The following ANKRD30BL variants were observed in gnomAD, a reference collection of about 807,000 sequenced individuals.
ANKRD30BL encodes the protein putative ankyrin repeat domain-containing protein 30B-like.
Under a neutral mutation model 18.4 loss-of-function variants are expected in ANKRD30BL, and 20 were observed. The observed-to-expected ratio is 1.09, with a 90% CI of 0.77 to 1.58. The LOEUF (loss-of-function observed/expected upper bound fraction) is 1.58. ANKRD30BL is among the 40% of genes most tolerant of loss of function. The pLI, the probability that ANKRD30BL is intolerant of heterozygous loss-of-function variation, is 0.00. For synonymous variants in ANKRD30BL, 72 were observed against 100.9 expected (o/e 0.71, Z 1.72); for missense variants, 224 against 268.6 (o/e 0.83, Z 1.16).
chr2:132,226,061 G>T (rs1183337758), intron 1 of ANKRD30BL, among the ~76,000 whole-genome samples: 1 of 152,044 alleles, frequency 6.6e-6, no homozygotes, highest in Non-Finnish European at 1.5e-5. Flanking sequence ...TGTGATGTCT[G>T]CATTCAACTC....
intron 1 of ANKRD30BL, among the ~76,000 whole-genome samples, chr2:132,229,704 G>T (rs957224680): frequency 1.3e-5 from 2 of 151,824 alleles, no homozygotes; most frequent in African/African-American, 4.8e-5. Flanking sequence ...CCTTTCTTTT[G>T]ATAGAGCGGG....
rs538157334 is a variant in ANKRD30BL at position 132,253,838 on chromosome 2, C to G, written n.441+3691G>C. Among the ~76,000 whole-genome samples, 328 of 152,172 alleles carry G rather than the reference C, an allele frequency of 2.2e-3. 1 individual carries two copies. The highest frequency in any genetic ancestry group is 7.4e-3 in the African/African-American group (308 of 41,542). ...GGACCGGCATCCGGCCCCCTACCCT[C>G]GAGACCCCCTAGCGGGAAGGCTGGG... is the stretch of plus-strand genomic sequence containing the variant. On this transcript the variant is annotated intron_variant and non_coding_transcript_variant, in intron 1 of 4. Transcript: ENST00000470729.
intron 1 of ANKRD30BL, among the ~76,000 whole-genome samples, chr2:132,198,268 T>TTTCTTTCTTTC (rs1428022123): frequency 5.5e-5 from 6 of 109,798 alleles, no homozygotes; most frequent in African/African-American, 3.0e-4. Context: ...TCTTTCTTTC[T>TTTCTTTCTTTC]TTTCTTTCTT....
intron 1 of ANKRD30BL, among the ~76,000 whole-genome samples, chr2:132,222,057 G>A (rs1275580178): frequency 2.3e-5 from 3 of 133,002 alleles, no homozygotes; most frequent in Non-Finnish European, 4.8e-5. Flanking sequence ...GGGGGGGGTC[G>A]GCCAGCCGCC....
intron 1 of ANKRD30BL, among the ~76,000 whole-genome samples, chr2:132,200,946 G>T (rs1042311578): frequency 1.3e-5 from 2 of 152,110 alleles, no homozygotes; most frequent in Non-Finnish European, 2.9e-5. Context: ...CCAAAACAGA[G>T]ATATAGATCA....
chr2:132,202,687 G>A (rs1435616129), intron 1 of ANKRD30BL, among the ~76,000 whole-genome samples: 2 of 152,036 alleles, frequency 1.3e-5, no homozygotes, highest in Admixed American at 6.6e-5. Flanking sequence ...ATGTATGTAT[G>A]TACACATGTA....
At chr2:132,158,744 T>C (rs1687977385) in intron 1 of ANKRD30BL, among the ~76,000 whole-genome samples, 1 of 150,370 alleles carries the variant, frequency 6.7e-6, no homozygotes, top group Non-Finnish European at 1.5e-5. Context: ...ATTTTCTTAA[T>C]AATAAAACTA....
rs1246136816 is a variant in ANKRD30BL at position 132,161,673 on chromosome 2, G to A, written c.33C>T (p.Gly11=). 2 of 1,450,090 alleles carry A rather than the reference G, an allele frequency of 1.4e-6. No individual in the cohort carries two copies. The highest frequency in any genetic ancestry group is 2.4e-5 in the South Asian group (2 of 81,928). 89.8% of individuals were successfully genotyped at this position (1,450,090 alleles called of 1,614,324 possible). Residue 11 remains glycine (G), a synonymous_variant, in exon 1 of 6, where the codon GGC becomes GGT. Coordinates refer to ENST00000409867, the MANE Select transcript of ANKRD30BL (RefSeq NM_001358416.1). ...GGCTCGGGCGCTCTGGGCCCGTCTGGCCCTTGACAGGGGCGGCAGAGAGCC... is the reference window on the plus strand; with the variant it reads ...GGCTCGGGCGCTCTGGGCCCGTCTGACCCTTGACAGGGGCGGCAGAGAGCC... MERLSAAPVK[G]QTGPERPSPF...
intron 1 of ANKRD30BL, among the ~76,000 whole-genome samples, chr2:132,230,316 G>T (rs369145130): frequency 6.7e-6 from 1 of 148,164 alleles, no homozygotes; most frequent in Non-Finnish European, 1.5e-5. Context: ...CACATAAAAA[G>T]TAGATAGAAG....
intron 1 of ANKRD30BL, among the ~76,000 whole-genome samples, chr2:132,183,049 G>A (rs932862040): frequency 2.6e-5 from 4 of 151,726 alleles, no homozygotes; most frequent in African/African-American, 9.7e-5. Flanking sequence ...AAGGTAGAAG[G>A]TTCTATTGTT....
chr2:132,153,566 C>G (rs573181197), intron 4 of ANKRD30BL: 33 of 582,294 alleles, frequency 5.7e-5, no homozygotes, highest in African/African-American at 5.5e-4. Flanking sequence ...GAGATTAAAT[C>G]CACAAGCAAC....
At chr2:132,174,980 T>C (rs1688337032) in intron 1 of ANKRD30BL, among the ~76,000 whole-genome samples, 1 of 152,168 alleles carries the variant, frequency 6.6e-6, no homozygotes, top group Non-Finnish European at 1.5e-5. Context: ...TAGCCCCAAA[T>C]GCAAAAGTGG....
At chr2:132,216,958 T>G (rs947430285) in intron 1 of ANKRD30BL, among the ~76,000 whole-genome samples, 1 of 152,104 alleles carries the variant, frequency 6.6e-6, no homozygotes, top group African/African-American at 2.4e-5. Flanking sequence ...CTCAGAAACT[T>G]CTTTGTGATG....
chr2:132,250,377 G>T (rs1680618887), intron 1 of ANKRD30BL, among the ~76,000 whole-genome samples: 2 of 152,288 alleles, frequency 1.3e-5, no homozygotes, highest in African/African-American at 4.8e-5. Context: ...ATATCCCTTT[G>T]CAGATTGTAC....
At chr2:132,221,170 C>T (rs1489112936) in intron 1 of ANKRD30BL, among the ~76,000 whole-genome samples, 2 of 146,356 alleles carry the variant, frequency 1.4e-5, no homozygotes, top group East Asian at 3.9e-4. Flanking sequence ...GCCCGGCAGC[C>T]ACCCCATCCG....
At chr2:132,250,733 C>T (rs1210279167) in intron 1 of ANKRD30BL, among the ~76,000 whole-genome samples, 2 of 152,166 alleles carry the variant, frequency 1.3e-5, no homozygotes, top group East Asian at 1.9e-4. Context: ...AATTTTTTCA[C>T]AATACTGAAC....
rs1307837265 is a variant in ANKRD30BL at position 132,209,521 on chromosome 2, A to G, written n.441+48008T>C. 5.3e-5 allele frequency among the ~76,000 whole-genome samples: 8 copies of G among 152,210 alleles called. No individual in the cohort carries two copies. The Middle Eastern group carries it at 0.01, about 194-fold the overall frequency. On this transcript the variant is annotated intron_variant and non_coding_transcript_variant, in intron 1 of 4. Coordinates refer to the ANKRD30BL transcript ENST00000470729. Reference sequence around the variant, plus strand: ...GGAGGAAAAGGAAACATCTGCACATAAAAACTACACAAATGCCTTCTGAGA... The same window carrying G: ...GGAGGAAAAGGAAACATCTGCACATGAAAACTACACAAATGCCTTCTGAGA...
chr2:132,194,668 A>G (rs149839690), intron 1 of ANKRD30BL, among the ~76,000 whole-genome samples: 201 of 152,250 alleles, frequency 1.3e-3, no homozygotes, highest in Non-Finnish European at 2.4e-3. Context: ...GATTCTACCC[A>G]CCTTCTCCTG....
At chr2:132,166,104 G>A (rs1688183054), upstream of ANKRD30BL, among the ~76,000 whole-genome samples, 1 of 152,084 alleles carries the variant, frequency 6.6e-6, no homozygotes, top group South Asian at 2.1e-4. Context: ...TTAACCTGTT[G>A]ATTTAGGAAA....
Sources: allele counts gnomAD v4.1 joint callset (sites outside exome capture counted in the v4.1 genomes callset), GRCh38; gene constraint gnomAD v4.1.1; transcripts MANE v1.5; gene names NCBI Gene and HGNC (gene_info 2026-07-23, HGNC 2026-07-21).